Variants in DPF3 observed in about 807,000 individuals in gnomAD.
The protein encoded by DPF3 is double PHD fingers 3, also known as zinc finger protein DPF3.
DPF3 carries 18 observed loss-of-function variants against 56.8 expected under a neutral mutation model. That is an observed-to-expected ratio of 0.32 (90% CI 0.22 to 0.47). The LOEUF (loss-of-function observed/expected upper bound fraction) is 0.47. DPF3 is among the 20% of genes least tolerant of loss of function. The pLI is 1.00. For missense variants in DPF3, 403 were observed against 488.8 expected (o/e 0.82, Z 1.65); for synonymous variants, 188 against 180.2 (o/e 1.04, Z -0.35).
intron 3 of DPF3, among the ~76,000 whole-genome samples, chr14:72,748,668 A>G (rs1031925944): frequency 1.1e-4 from 16 of 152,318 alleles, no homozygotes; most frequent in African/African-American, 3.8e-4. Context: ...AGCCAGGCTC[A>G]GGGTCCTTCT....
chr14:72,687,561 C>T (rs1022156017), intron 7 of DPF3, among the ~76,000 whole-genome samples: 5 of 152,170 alleles, frequency 3.3e-5, no homozygotes, highest in African/African-American at 1.2e-4. Flanking sequence ...TCCATCTTTC[C>T]TCTGCATCCC....
chr14:72,712,843 C>A (rs542994590), intron 6 of DPF3, among the ~76,000 whole-genome samples: 1 of 152,292 alleles, frequency 6.6e-6, no homozygotes, highest in African/African-American at 2.4e-5. Context: ...CCACTGTACT[C>A]CAGCCTGGGT....
intron 1 of DPF3, among the ~76,000 whole-genome samples, chr14:72,805,230 G>A (rs975204969): frequency 2.6e-5 from 4 of 152,220 alleles, no homozygotes; most frequent in Admixed American, 1.3e-4. Context: ...CAGCACTTTG[G>A]GAGGGCGAGG....
At chr14:72,810,631 A>T (rs559609139) in intron 1 of DPF3, among the ~76,000 whole-genome samples, 1 of 152,280 alleles carries the variant, frequency 6.6e-6, no homozygotes, top group East Asian at 1.9e-4. Flanking sequence ...AGAAACAAAG[A>T]TCTGCCTCCA....
chr14:72,861,037 ACACACACACACAC>A (rs1885380673), intron 1 of DPF3, among the ~76,000 whole-genome samples: 1 of 8,390 alleles, frequency 1.2e-4, no homozygotes, highest in African/African-American at 8.2e-4. Flanking sequence ...ACACACACAC[ACACACACACACAC>A]ACACACACAC....
rs1412539482 is a variant in DPF3 at position 72,610,806 on chromosome 14, CCCA to C, written c.*8488_*8490del. Among the ~76,000 whole-genome samples, 1 of 152,176 alleles carries C rather than the reference CCCA, an allele frequency of 6.6e-6. No individual in the cohort carries two copies. The highest frequency in any genetic ancestry group is 1.5e-5 in the Non-Finnish European group (1 of 68,032). ...GAGCTGGGGACCTGAGGGCTCAGGG[CCCA>C]CCACTGGCTGCCTGGGGGAAGTGCT... is the stretch of plus-strand genomic sequence containing the variant. On this transcript the variant is annotated 3_prime_UTR_variant, in exon 11 of 11. Coordinates refer to ENST00000556509, the MANE Select transcript of DPF3 (RefSeq NM_001280542.3).
chr14:72,743,696 C>T (rs1890219764), intron 3 of DPF3, among the ~76,000 whole-genome samples: 1 of 152,184 alleles, frequency 6.6e-6, no homozygotes, highest in Non-Finnish European at 1.5e-5. Context: ...GCTGTGCTCC[C>T]AGGCCTTCTG....
At chr14:72,893,706 C>T (rs891599477) in intron 1 of DPF3, among the ~76,000 whole-genome samples, 1 of 151,420 alleles carries the variant, frequency 6.6e-6, no homozygotes, top group Admixed American at 6.6e-5. Flanking sequence ...TCCCTGCCCG[C>T]GAGGCGGGGG....
intron 8 of DPF3, among the ~76,000 whole-genome samples, chr14:72,666,895 G>A (rs1036547663): frequency 3.3e-5 from 5 of 152,156 alleles, no homozygotes; most frequent in African/African-American, 4.8e-5. Context: ...TTAAGTACAC[G>A]TTCAAGATCA....
At chr14:72,836,623 T>C in intron 1 of DPF3, 1 of 747,356 alleles carries the variant, frequency 1.3e-6, no homozygotes, top group South Asian at 6.1e-5. Flanking sequence ...GGAAACCTCC[T>C]ACCCAGTGCT....
intron 7 of DPF3, among the ~76,000 whole-genome samples, chr14:72,676,549 C>G (rs1307733990): frequency 6.6e-6 from 1 of 152,224 alleles, no homozygotes; most frequent in Non-Finnish European, 1.5e-5. Flanking sequence ...TGAATTGCAG[C>G]TCCCATAATC....
intron 1 of DPF3, among the ~76,000 whole-genome samples, chr14:72,860,506 C>T (rs1187515860): frequency 2.0e-5 from 3 of 150,912 alleles, no homozygotes; most frequent in Non-Finnish European, 3.0e-5. Context: ...TCTTAAATTT[C>T]GTGTTATAAG....
Position 72,722,275 on chromosome 14 carries a change from C to T in DPF3, c.525+1358G>A, listed in dbSNP as rs79565767. On this transcript the variant is annotated intron_variant, in intron 5 of 10. Coordinates refer to ENST00000556509, the MANE Select transcript of DPF3 (RefSeq NM_001280542.3). ...GCCAAAATCTTGCTAAGTGATGAGGCTGGTCCCAGCTGTACCAGAAGTGCA... is the reference window on the plus strand; with the variant it reads ...GCCAAAATCTTGCTAAGTGATGAGGTTGGTCCCAGCTGTACCAGAAGTGCA... Among the ~76,000 whole-genome samples, 38 of 152,312 alleles carry T rather than the reference C, an allele frequency of 2.5e-4. 2 individuals are homozygous for T. The East Asian group carries it at 7.3e-3, about 29-fold the overall frequency.
intron 1 of DPF3, among the ~76,000 whole-genome samples, chr14:72,879,436 G>A (rs921701555): frequency 3.3e-5 from 5 of 151,504 alleles, no homozygotes; most frequent in East Asian, 1.9e-4. Flanking sequence ...TGCCTTCCAC[G>A]CCCTTACTGC....
intron 4 of DPF3, among the ~76,000 whole-genome samples, chr14:72,725,148 G>A (rs10132629): frequency 0.43 from 64,691 of 151,882 alleles, 14,293 homozygotes; most frequent in African/African-American, 0.55. Flanking sequence ...TGCTGACTAC[G>A]TGGCAGGCTC....
At chr14:72,619,483 C>G in intron 10 of DPF3, 116 bp from the exon 11 acceptor site, 1 of 1,192,050 alleles carries the variant, frequency 8.4e-7, no homozygotes, top group Non-Finnish European at 1.2e-6. Flanking sequence ...ATGCAGAAAC[C>G]AAGTCCCAGG....
rs1884090213 is a variant in DPF3 at position 72,616,357 on chromosome 14, A to C, written c.*2940T>G. Among the ~76,000 whole-genome samples, 1 of 152,158 alleles carries C rather than the reference A, an allele frequency of 6.6e-6. No homozygotes were observed. On this transcript the variant is annotated 3_prime_UTR_variant, in exon 11 of 11. Transcript: ENST00000556509. ...GGAGTATCCTGAGTACCTTCATTTT[A>C]AAGTCCCCAACCCCATGTACATCCC...
intron 7 of DPF3, among the ~76,000 whole-genome samples, chr14:72,689,932 T>C (rs1887602041): frequency 6.6e-6 from 1 of 152,152 alleles, no homozygotes; most frequent in African/African-American, 2.4e-5. Flanking sequence ...TAAAAAGGTG[T>C]TTGTGAGGAT....
intron 8 of DPF3, among the ~76,000 whole-genome samples, chr14:72,630,790 G>A (rs941682429): frequency 5.9e-5 from 9 of 152,156 alleles, no homozygotes; most frequent in Admixed American, 2.0e-4. Context: ...AGCACTCACC[G>A]TTCTCCAGAG....
Sources: gnomAD v4.1 joint callset for allele counts (sites outside exome capture counted in the v4.1 genomes callset) on GRCh38, gnomAD v4.1.1 for gene constraint, MANE v1.5 for transcripts, NCBI Gene and HGNC (gene_info 2026-07-23, HGNC 2026-07-21) for gene names.